The following SNX32 variants were observed in gnomAD, a reference collection of about 807,000 sequenced individuals.
SNX32 encodes sorting nexin-32.
Under a neutral mutation model 57.0 loss-of-function variants are expected in SNX32, and 58 were observed. The ratio of observed to expected loss-of-function variants is 1.02; its 90% confidence interval spans 0.82 to 1.27. SNX32 has a LOEUF of 1.27. SNX32 is among the 50% of genes most tolerant of loss of function. The pLI is 0.00. For missense variants in SNX32, 589 were observed against 541.2 expected (o/e 1.09, Z -0.88); for synonymous variants, 262 against 220.4 (o/e 1.19, Z -1.67).
chr11:65,838,216 A>C (rs1858725928), intron 1 of SNX32, among the ~76,000 whole-genome samples: 1 of 151,860 alleles, frequency 6.6e-6, no homozygotes, highest in South Asian at 2.1e-4. Context: ...GAAGGAAGGA[A>C]GGAAGGAAGG....
chr11:65,850,503 C>A lies in SNX32; in HGVS notation c.447C>A (p.Pro149=). 6.2e-7 allele frequency: 1 copy of A among 1,613,930 alleles called. No homozygotes were observed. Among genetic ancestry groups the A allele is most frequent in the Non-Finnish European group, 8.5e-7 (1 of 1,179,894 alleles). ...TTCTGCAGCGCCTGGCGGCCCACCC[C>A]ACCCTGCGTCGAGACCACAACTTCT... ...EVFLQRLAAH[P]TLRRDHNFFV... is the part of the protein sequence containing the mutation. The change falls in exon 5 of 13, where the codon CCC becomes CCA. Residue 149 remains proline (P), a synonymous_variant. Coordinates refer to ENST00000308342, the MANE Select transcript of SNX32 (RefSeq NM_152760.3).
intron 1 of SNX32, among the ~76,000 whole-genome samples, chr11:65,840,710 G>A (rs1858816968): frequency 1.3e-5 from 2 of 151,938 alleles, no homozygotes; most frequent in Admixed American, 1.3e-4. Context: ...AGGCTGAAGT[G>A]GGAGGATCCC....
Position 65,852,529 on chromosome 11 carries a change from T to C in SNX32, c.890T>C (p.Met297Thr), listed in dbSNP as rs774804513. 10 of 1,614,186 alleles carry C rather than the reference T, an allele frequency of 6.2e-6. No individual in the cohort carries two copies. Among genetic ancestry groups the C allele is most frequent in the South Asian group, 2.2e-5 (2 of 91,086 alleles). ...CTGTCAGACATGCTGAGGTACTACA[T>C]GCGTGACTCACAGGCAGCCAAGGTG... ...LKLSDMLRYYMRDSQAAKDLL... is the reference protein window; with the variant it reads ...LKLSDMLRYYTRDSQAAKDLL... The change falls in exon 10 of 13, where the codon ATG becomes ACG. Residue 297 changes from methionine (M) to threonine (T), a missense_variant. Transcript: ENST00000308342.
Position 65,853,315 on chromosome 11 carries a change from G to A in SNX32, c.1192G>A (p.Ala398Thr). The A allele has an allele frequency of 5.0e-6, 8 of 1,614,088 alleles. No homozygotes were observed. The highest frequency in any genetic ancestry group is 6.8e-6 in the Non-Finnish European group (8 of 1,179,996). ...CCTGATTCTCCGGAACACCCTTGTT[G>A]CCCTAAAGGGGGAGCCTTAGAGTAG... Reference protein sequence around the residue: ...STLILRNTLVALKGEP With the variant: ...STLILRNTLVTLKGEP Residue 398 changes from alanine to threonine, a missense_variant, in exon 13 of 13, where the codon GCC becomes ACC. By Grantham distance (58) the Ala-to-Thr change is moderately conservative. Coordinates refer to ENST00000308342, the MANE Select transcript of SNX32 (RefSeq NM_152760.3).
chr11:65,851,795 G>A, intron 9 of SNX32, 116 bp downstream of exon 9: 1 of 1,181,642 alleles, frequency 8.5e-7, no homozygotes, highest in Non-Finnish European at 1.3e-6. Flanking sequence ...CTTGGGCCCA[G>A]TGGCAAGTTG....
intron 12 of SNX32, 106 bp from the exon 13 acceptor site, chr11:65,853,176 T>C: frequency 6.6e-7 from 1 of 1,505,204 alleles, no homozygotes; most frequent in Non-Finnish European, 9.2e-7. Context: ...CAGCTGTTAT[T>C]GCAGAGAGCA....
chr11:65,852,676 CCAA>C lies in SNX32; in HGVS notation c.963_965del (p.Asn321del), dbSNP rs1345294898. On this transcript the variant is annotated inframe_deletion, in exon 11 of 13. Coordinates refer to ENST00000308342, the MANE Select transcript of SNX32 (RefSeq NM_152760.3). ...CGGGCACTGGCCGACTACGAGAATG[CCAA>C]CAAGGCGCTGGACAAGGCGCGCACC... 3 of 1,597,436 alleles carry C rather than the reference CCAA, an allele frequency of 1.9e-6. No homozygotes were observed. Among genetic ancestry groups the C allele is most frequent in the African/African-American group, 1.3e-5 (1 of 74,740 alleles).
intron 1 of SNX32, among the ~76,000 whole-genome samples, chr11:65,837,786 C>T (rs1367922352): frequency 7.2e-6 from 1 of 139,800 alleles, no homozygotes; most frequent in Non-Finnish European, 1.5e-5. Flanking sequence ...CGCCACTGTA[C>T]TCCATCCTGG....
Position 65,853,408 on chromosome 11 carries a change from C to CA in SNX32, c.*75dup, listed in dbSNP as rs1378166025. On this transcript the variant is annotated 3_prime_UTR_variant, in exon 13 of 13. Coordinates refer to ENST00000308342, the MANE Select transcript of SNX32 (RefSeq NM_152760.3). Reference sequence around the variant, plus strand: ...GGGTATCCCAGACCCCTCTCTCCGGCAAGATGTCTCCTTCCCTAGCAGTGC... The same window carrying CA: ...GGGTATCCCAGACCCCTCTCTCCGGCAAAGATGTCTCCTTCCCTAGCAGTGC... 2.1e-5 allele frequency: 31 copies of CA among 1,460,596 alleles called. No homozygotes were observed. Among genetic ancestry groups the CA allele is most frequent in the African/African-American group, 4.2e-5 (3 of 71,826 alleles). The allele number at this position is 1,460,596 out of a possible 1,614,324, so 90.5% of individuals were successfully genotyped here.
rs1311476189 is a variant in SNX32 at position 65,842,031 on chromosome 11, T to C, written c.37-7447T>C. Among the ~76,000 whole-genome samples, 7 of 152,086 alleles carry C rather than the reference T, an allele frequency of 4.6e-5. No homozygotes were observed. In the East Asian group the frequency reaches 1.2e-3, roughly 25 times the overall value. Reference sequence around the variant, plus strand: ...GGGGTAGAAATTAACAAGCAGAATATCTGTAGAAATGTAAAGGACCTATAA... The same window carrying C: ...GGGGTAGAAATTAACAAGCAGAATACCTGTAGAAATGTAAAGGACCTATAA... On this transcript the variant is annotated intron_variant, in intron 1 of 12. Coordinates refer to ENST00000308342, the MANE Select transcript of SNX32 (RefSeq NM_152760.3).
intron 1 of SNX32, among the ~76,000 whole-genome samples, chr11:65,846,253 A>G (rs554084630): frequency 2.6e-5 from 4 of 152,130 alleles, no homozygotes; most frequent in Admixed American, 1.3e-4. Context: ...CCTGGGCGAC[A>G]GAGTGAGACT....
At position 65,850,238 on chromosome 11, in the gene SNX32, A is replaced by G. The variant is rs1859132305; in HGVS notation, c.341A>G (p.Glu114Gly). The part of the protein sequence containing the change: ...LGEGDSSVTR[E>G]EFAKMKQELE... ...GAGGGGGACAGCTCTGTCACTCGGG[A>G]AGAGTTTGCCAAGATGAAGCAGGAG... Residue 114 changes from glutamate to glycine, a missense_variant, in exon 4 of 13, where the codon GAA (glutamate) becomes GGA (glycine). Transcript: ENST00000308342. 1 of 1,614,050 alleles carries G rather than the reference A, an allele frequency of 6.2e-7. No homozygotes were observed.
Position 65,845,475 on chromosome 11 carries a change from G to T in SNX32, c.37-4003G>T, listed in dbSNP as rs569360979. On this transcript the variant is annotated intron_variant, in intron 1 of 12. Coordinates refer to ENST00000308342, the MANE Select transcript of SNX32 (RefSeq NM_152760.3). Reference sequence around the variant, plus strand: ...AAAGTAACCGGTTGCAGTGGCTCACGCCTGTAATCCCAACATTTTGGAAGG... The same window carrying T: ...AAAGTAACCGGTTGCAGTGGCTCACTCCTGTAATCCCAACATTTTGGAAGG... Among the ~76,000 whole-genome samples the T allele has an allele frequency of 7.3e-5, 11 of 150,806 alleles. No individual in the cohort carries two copies. The East Asian group carries it at 1.6e-3, about 22-fold the overall frequency.
chr11:65,852,797 C>G lies in SNX32; in HGVS notation c.1072+8C>G, dbSNP rs554513968. On this transcript the variant is annotated splice_region_variant and intron_variant, in intron 11 of 12. Transcript: ENST00000308342. The stretch of plus-strand genomic sequence containing the variant: ...CCGACTCCGCCAAGCAAGGTGAGCC[C>G]GCAGCCCCCAGCCCCAGCCTGGGGC... 6.2e-7 allele frequency: 1 copy of G among 1,610,334 alleles called. No homozygotes were observed. Among genetic ancestry groups the G allele is most frequent in the Non-Finnish European group, 8.5e-7 (1 of 1,177,508 alleles).
At chr11:65,834,470 G>A (rs1255575720) in intron 1 of SNX32, among the ~76,000 whole-genome samples, 1 of 150,360 alleles carries the variant, frequency 6.7e-6, no homozygotes, top group Non-Finnish European at 1.5e-5. Context: ...GTGTCTGTGT[G>A]TGTGCACGTA....
At position 65,850,243 on chromosome 11, in the gene SNX32, T is replaced by C; in HGVS notation, c.346T>C (p.Phe116Leu). Reference sequence around the variant, plus strand: ...GGACAGCTCTGTCACTCGGGAAGAGTTTGCCAAGATGAAGCAGGAGCTGGA... The same window carrying C: ...GGACAGCTCTGTCACTCGGGAAGAGCTTGCCAAGATGAAGCAGGAGCTGGA... ...EGDSSVTREE[F>L]AKMKQELEAE... Residue 116 changes from phenylalanine to leucine, a missense_variant, in exon 4 of 13, where the codon TTT (phenylalanine) becomes CTT (leucine). Transcript: ENST00000308342. 6.2e-7 allele frequency: 1 copy of C among 1,613,994 alleles called. No homozygotes were observed. The highest frequency in any genetic ancestry group is 8.5e-7 in the Non-Finnish European group (1 of 1,179,984).
chr11:65,838,934 A>G (rs1313190422), intron 1 of SNX32, among the ~76,000 whole-genome samples: 1 of 152,048 alleles, frequency 6.6e-6, no homozygotes, highest in Non-Finnish European at 1.5e-5. Flanking sequence ...AAAATATGAC[A>G]TATCGAAACT....
chr11:65,852,636 C>G lies in SNX32; in HGVS notation c.919C>G (p.Leu307Val). The G allele has an allele frequency of 6.2e-7, 1 of 1,610,266 alleles. No individual in the cohort carries two copies. The highest frequency in any genetic ancestry group is 1.1e-5 in the South Asian group (1 of 90,836). The change falls in exon 11 of 13, where the codon CTG becomes GTG. Residue 307 changes from leucine to valine, a missense_variant. By Grantham distance (32) the Leu-to-Val change is conservative (BLOSUM62 1). Transcript: ENST00000308342. ...CCTGTGCCCATGGTCCTAGGACCTG[C>G]TGTACCGGCGGCTGCGGGCACTGGC... ...MRDSQAAKDL[L>V]YRRLRALADY...
At chr11:65,839,223 G>GTTTTTTTTTTTTGTTTTTTTTT (rs755185237) in intron 1 of SNX32, among the ~76,000 whole-genome samples, 1 of 23,078 alleles carries the variant, frequency 4.3e-5, no homozygotes, top group African/African-American at 2.0e-4. Flanking sequence ...TAATTTTTTT[G>GTTTTTTTTTTTTGTTTTTTTTT]TATTTTTTTT....
Sources: gnomAD v4.1 joint callset for allele counts (sites outside exome capture counted in the v4.1 genomes callset) on GRCh38, gnomAD v4.1.1 for gene constraint, MANE v1.5 for transcripts, NCBI Gene and HGNC (gene_info 2026-07-23, HGNC 2026-07-21) for gene names.